Variants in PRKG1 observed in about 807,000 individuals in gnomAD.
PRKG1 encodes the protein protein kinase cGMP-dependent 1, also known as cGMP-dependent protein kinase 1.
PRKG1 carries 35 observed loss-of-function variants against 88.1 expected under a neutral mutation model. The ratio of observed to expected loss-of-function variants is 0.40; its 90% CI spans 0.30 to 0.53. PRKG1 has a LOEUF of 0.53. Among genes scored for constraint, PRKG1 ranks in the 20% least tolerant of loss-of-function variants. The pLI, the probability that PRKG1 is intolerant of heterozygous loss-of-function variation, is 0.59. For synonymous variants in PRKG1, 303 were observed against 292.5 expected, an observed-to-expected ratio of 1.04 and a Z score of -0.37; for missense variants, 540 against 839.8, an observed-to-expected ratio of 0.64 and a Z score of 4.41.
chr10:51,485,438 C>G (rs1358368537), intron 3 of PRKG1, among the ~76,000 whole-genome samples: 1 of 152,050 alleles, frequency 6.6e-6, no homozygotes, highest in East Asian at 1.9e-4. Context: ...GTCTGTGTAC[C>G]CAGTCTTGGA....
intron 3 of PRKG1, chr10:51,695,633 G>A (rs1841269295): frequency 6.6e-6 from 1 of 152,138 alleles, no homozygotes; most frequent in Non-Finnish European, 1.5e-5. Flanking sequence ...CCAACTCTGT[G>A]AATTAGTATT....
chr10:51,308,582 T>C (rs1841098163), intron 2 of PRKG1, among the ~76,000 whole-genome samples: 2 of 152,280 alleles, frequency 1.3e-5, no homozygotes, highest in African/African-American at 2.4e-5. Context: ...GGCTATTACA[T>C]TAGCCTTCTC....
chr10:51,756,770 G>A (rs921286280), intron 3 of PRKG1, among the ~76,000 whole-genome samples: 8 of 151,912 alleles, frequency 5.3e-5, no homozygotes, highest in East Asian at 1.9e-4. Flanking sequence ...AGCTGAGATC[G>A]CGCCACTGCA....
At chr10:51,854,602 G>A (rs1018135564) in intron 4 of PRKG1, among the ~76,000 whole-genome samples, 1 of 151,992 alleles carries the variant, frequency 6.6e-6, no homozygotes, top group Non-Finnish European at 1.5e-5. Flanking sequence ...ATAAAGTTAA[G>A]TGAGAAAAAA....
chr10:52,207,440 T>A (rs756808649), intron 9 of PRKG1, among the ~76,000 whole-genome samples: 1 of 152,220 alleles, frequency 6.6e-6, no homozygotes, highest in Non-Finnish European at 1.5e-5. Flanking sequence ...GGTACTCAGA[T>A]CAGACTGGCC....
At chr10:51,851,738 A>G (rs1323120932) in intron 4 of PRKG1, among the ~76,000 whole-genome samples, 1 of 152,182 alleles carries the variant, frequency 6.6e-6, no homozygotes, top group Non-Finnish European at 1.5e-5. Flanking sequence ...CTCTAATGCA[A>G]TGCTCTTCTG....
Position 52,246,876 on chromosome 10 carries a change from C to CAAAA in PRKG1, c.1077-4674_1077-4671dup, listed in dbSNP as rs756775020. On this transcript the variant is annotated intron_variant, in intron 9 of 17. Coordinates refer to ENST00000373980, the MANE Select transcript of PRKG1 (RefSeq NM_006258.4). ...GGGCAACAAGAGTGAAACACAGTCTCAAAAAAAAAAAAAAAAAAAAAAAGA... is the reference window on the plus strand; with the variant it reads ...GGGCAACAAGAGTGAAACACAGTCTCAAAAAAAAAAAAAAAAAAAAAAAAAAAGA... 7.2e-3 allele frequency among the ~76,000 whole-genome samples: 407 copies of CAAAA among 56,378 alleles called. 1 individual carries two copies. Among genetic ancestry groups the CAAAA allele is most frequent in the Non-Finnish European group, 9.3e-3 (281 of 30,242 alleles). The allele number at this position is 56,378 out of a possible 152,430, so 37.0% of individuals were successfully genotyped here.
At chr10:51,607,945 C>T (rs566377231) in intron 3 of PRKG1, among the ~76,000 whole-genome samples, 41 of 152,212 alleles carry the variant, frequency 2.7e-4, no homozygotes, top group Non-Finnish European at 4.4e-4. Flanking sequence ...GTTTTGTTTC[C>T]ATTTCCAAAT....
In PRKG1 at chr10:51,999,624, T is replaced by A. The variant is rs1465037878; in HGVS notation, c.763-54860T>A. 2.0e-5 allele frequency among the ~76,000 whole-genome samples: 3 copies of A among 152,166 alleles called. No homozygotes were observed. In the East Asian group the frequency reaches 5.8e-4, roughly 29 times the overall value. On this transcript the variant is annotated intron_variant, in intron 5 of 17. Transcript: ENST00000373980. Reference sequence around the variant, plus strand: ...AAGGTGGCTTTTCTTTTTGGATAATTCTAGAACCATGGATACATAATTCTT... The same window carrying A: ...AAGGTGGCTTTTCTTTTTGGATAATACTAGAACCATGGATACATAATTCTT...
intron 3 of PRKG1, among the ~76,000 whole-genome samples, chr10:51,635,630 T>C (rs898356785): frequency 6.6e-6 from 1 of 152,100 alleles, no homozygotes; most frequent in Non-Finnish European, 1.5e-5. Flanking sequence ...CAGATGGCCA[T>C]TTTGGCACAA....
chr10:51,629,849 A>T (rs1406959651), intron 3 of PRKG1, among the ~76,000 whole-genome samples: 1 of 152,198 alleles, frequency 6.6e-6, no homozygotes, highest in African/African-American at 2.4e-5. Context: ...ATAGATGATC[A>T]TGCACCAGCT....
intron 7 of PRKG1, among the ~76,000 whole-genome samples, chr10:52,067,178 A>C (rs1019356338): frequency 2.0e-5 from 3 of 152,174 alleles, no homozygotes; most frequent in Non-Finnish European, 1.5e-5. Flanking sequence ...GGTAATAGCT[A>C]TGCTTGTTTA....
chr10:51,948,305 C>T (rs545213301), intron 5 of PRKG1, among the ~76,000 whole-genome samples: 2 of 152,222 alleles, frequency 1.3e-5, no homozygotes, highest in East Asian at 1.9e-4. Flanking sequence ...TACATTCCTA[C>T]TTTAAGTATA....
intron 5 of PRKG1, among the ~76,000 whole-genome samples, chr10:51,972,559 CTG>C (rs550857044): frequency 5.3e-5 from 8 of 152,276 alleles, no homozygotes; most frequent in Admixed American, 5.2e-4. Flanking sequence ...GCACTTGGTT[CTG>C]TTAGACATTT....
At chr10:51,214,080 C>G (rs1838307084) in intron 2 of PRKG1, among the ~76,000 whole-genome samples, 1 of 151,980 alleles carries the variant, frequency 6.6e-6, no homozygotes, top group African/African-American at 2.4e-5. Context: ...GTTAGAGAAC[C>G]TAAAGCACCT....
At chr10:52,135,415 C>G (rs1220294799) in intron 8 of PRKG1, among the ~76,000 whole-genome samples, 2 of 151,908 alleles carry the variant, frequency 1.3e-5, no homozygotes, top group Non-Finnish European at 2.9e-5. Flanking sequence ...TTTTATGCAG[C>G]AAAAAGTTAT....
chr10:51,264,253 A>G (rs944673515), intron 2 of PRKG1, among the ~76,000 whole-genome samples: 1 of 152,232 alleles, frequency 6.6e-6, no homozygotes, highest in African/African-American at 2.4e-5. Flanking sequence ...AGATATTTGA[A>G]GGTTGCATCC....
At chr10:51,539,197 A>G (rs139370928) in intron 3 of PRKG1, among the ~76,000 whole-genome samples, 194 of 152,262 alleles carry the variant, frequency 1.3e-3, no homozygotes, top group African/African-American at 4.3e-3. Flanking sequence ...TTCACAGTAT[A>G]GAGATTTGCT....
intron 9 of PRKG1, among the ~76,000 whole-genome samples, chr10:52,195,799 G>T (rs1001383966): frequency 2.6e-5 from 4 of 151,702 alleles, no homozygotes; most frequent in Non-Finnish European, 5.9e-5. Context: ...TATATTTATG[G>T]ATTAATTATC....
Sources: allele counts gnomAD v4.1 joint callset (sites outside exome capture counted in the v4.1 genomes callset), GRCh38; gene constraint gnomAD v4.1.1; transcripts MANE v1.5; gene names NCBI Gene and HGNC (gene_info 2026-07-23, HGNC 2026-07-21).